Variants in WDR86 observed in about 807,000 individuals in gnomAD.
The protein encoded by WDR86 is WD repeat domain 86.
In WDR86, 30 loss-of-function variants were observed where a neutral mutation model predicts 36.5. The ratio of observed to expected loss-of-function variants is 0.82; its 90% CI spans 0.61 to 1.11. The LOEUF (loss-of-function observed/expected upper bound fraction) is 1.11. Ranked by LOEUF, WDR86 falls within the 50% of genes most tolerant of loss-of-function variation. The pLI is 0.00. For synonymous variants in WDR86, 255 were observed against 252.9 expected (o/e 1.01, Z -0.08); for missense variants, 545 against 561.2 (o/e 0.97, Z 0.29).
In WDR86 at chr7:151,409,901, G is replaced by T; in HGVS notation, c.-312C>A. On this transcript the variant is annotated 5_prime_UTR_variant, in exon 1 of 6. Coordinates refer to ENST00000334493, the MANE Select transcript of WDR86 (RefSeq NM_198285.3). This position sits in a 1 kb window ranked among gnomAD's most constrained non-coding sequence, Gnocchi z 5.2. ...CCGCTCGGAGGATCCACACCCCACC[G>T]GGCGAACAAGGCAGCTGCGTCTCTG... is the stretch of plus-strand genomic sequence containing the variant. 8.9e-7 allele frequency: 1 copy of T among 1,124,232 alleles called. No homozygotes were observed. Among genetic ancestry groups the T allele is most frequent in the Non-Finnish European group, 1.1e-6 (1 of 919,574 alleles). The allele number at this position is 1,124,232 out of a possible 1,614,324, so 69.6% of individuals were successfully genotyped here.
At chr7:151,380,927 C>G (rs1798518508), downstream of WDR86, among the ~76,000 whole-genome samples, 1 of 152,182 alleles carries the variant, frequency 6.6e-6, no homozygotes, top group Non-Finnish European at 1.5e-5. Flanking sequence ...TGCTCCCCGG[C>G]CTCTTCCCCA....
the WDR86 span, among the ~76,000 whole-genome samples, chr7:151,369,579 T>C: frequency 6.6e-6 from 1 of 152,220 alleles, no homozygotes; most frequent in African/African-American, 2.4e-5. Flanking sequence ...TTTGAAACAA[T>C]TAAGTACATT....
At chr7:151,371,334 T>G (rs2150712055), downstream of WDR86, among the ~76,000 whole-genome samples, 1 of 151,922 alleles carries the variant, frequency 6.6e-6, no homozygotes, top group Middle Eastern at 3.4e-3. Flanking sequence ...CTGATGTCAC[T>G]GAGGACCTGA....
rs1334075262 is a variant in WDR86, at chr7:151,396,110, C to T, written c.392G>A (p.Arg131Gln). ...GCAGTTGCGGTGGCCCCGGAACTCC[C>T]GGGACATCTGCCCCTTGTCCACACT... The part of the protein sequence containing the change: ...VWSVDKGQMS[R>Q]EFRGHRNCVL... The change falls in exon 3 of 6, where the codon CGG becomes CAG. Residue 131 changes from arginine (R) to glutamine (Q), a missense_variant. Physicochemically the swap from Arg to Gln is conservative, Grantham distance 43 (BLOSUM62 1). Coordinates refer to ENST00000334493, the MANE Select transcript of WDR86 (RefSeq NM_198285.3). 34 of 1,612,698 alleles carry T rather than the reference C, an allele frequency of 2.1e-5. No individual in the cohort carries two copies. Among genetic ancestry groups the T allele is most frequent in the East Asian group, 8.9e-5 (4 of 44,884 alleles).
chr7:151,402,070 A>AAAAATATATAT lies in WDR86; in HGVS notation c.164-1830_164-1829insATATATATTTT. Among the ~76,000 whole-genome samples, 339 of 50,416 alleles carry AAAAATATATAT rather than the reference A, an allele frequency of 6.7e-3. 3 individuals are homozygous for AAAAATATATAT. Among genetic ancestry groups the AAAAATATATAT allele is most frequent in the Non-Finnish European group, 9.5e-3 (283 of 29,780 alleles). 33.1% of individuals were successfully genotyped at this position (50,416 alleles called of 152,430 possible). On this transcript the variant is annotated intron_variant, in intron 1 of 5. Coordinates refer to ENST00000334493, the MANE Select transcript of WDR86 (RefSeq NM_198285.3). The stretch of plus-strand genomic sequence containing the variant: ...CTCAAAAAAAAAAAAAAAAAAAAAA[A>AAAAATATATAT]ATATATATATATATATATATATCTC...
downstream of WDR86, chr7:151,377,426 C>T (rs1409016226): frequency 3.7e-5 from 16 of 435,792 alleles, no homozygotes; most frequent in African/African-American, 6.1e-5. Flanking sequence ...TCTGGCCTGG[C>T]GCAGGCCGTT....
intron 1 of WDR86, among the ~76,000 whole-genome samples, chr7:151,407,765 C>G (rs909936697): frequency 1.3e-5 from 2 of 152,108 alleles, no homozygotes; most frequent in African/African-American, 4.8e-5. Flanking sequence ...CGCTTGAACC[C>G]GGGAGGCGGA....
rs1798528655 is a variant in WDR86 at position 151,381,131 on chromosome 7, G to T, written c.*451C>A. The T allele has an allele frequency of 2.4e-6, 3 of 1,229,160 alleles. No individual in the cohort carries two copies. Among genetic ancestry groups the T allele is most frequent in the Admixed American group, 4.2e-5 (1 of 23,706 alleles). 76.1% of individuals were successfully genotyped at this position (1,229,160 alleles called of 1,614,324 possible). On this transcript the variant is annotated 3_prime_UTR_variant, in exon 6 of 6. Transcript: ENST00000334493. This position sits in a 1 kb window ranked among gnomAD's most constrained non-coding sequence, Gnocchi z 4.8. ...AAGAGGACACAGGAGCACTTTTAAC[G>T]TTCAGGCTGTATATTTCAGTTCCCC... is the stretch of plus-strand genomic sequence containing the variant.
At chr7:151,395,529 A>G (rs1392902013) in intron 3 of WDR86, among the ~76,000 whole-genome samples, 1 of 128,954 alleles carries the variant, frequency 7.8e-6, no homozygotes. Flanking sequence ...ACACACACAC[A>G]CACACACACG....
intron 1 of WDR86, among the ~76,000 whole-genome samples, chr7:151,408,392 TTCA>T (rs1800901896): frequency 6.6e-6 from 1 of 151,974 alleles, no homozygotes; most frequent in Non-Finnish European, 1.5e-5. Context: ...GACACAGGGT[TTCA>T]TCATGTTGGC....
Position 151,385,034 on chromosome 7 carries a change from G to C in WDR86, c.862+54C>G. ...AAATCCCATAGGAAGTAAAGAAGCAGAGAGGAGAAGCCAGGCTGGGGTGGC... is the reference window on the plus strand; with the variant it reads ...AAATCCCATAGGAAGTAAAGAAGCACAGAGGAGAAGCCAGGCTGGGGTGGC... On this transcript the variant is annotated intron_variant, in intron 4 of 5. Transcript: ENST00000334493. 3.9e-6 allele frequency: 6 copies of C among 1,520,916 alleles called. No homozygotes were observed. In the East Asian group the frequency reaches 1.1e-4, roughly 29 times the overall value. 94.2% of individuals were successfully genotyped at this position (1,520,916 alleles called of 1,614,324 possible). A position where few individuals can be genotyped will look rare whatever the true frequency, so the allele number is the denominator to read the frequency against.
chr7:151,395,767 C>G lies in WDR86; in HGVS notation c.726+9G>C. 1 of 1,547,110 alleles carries G rather than the reference C, an allele frequency of 6.5e-7. No homozygotes were observed. The highest frequency in any genetic ancestry group is 8.7e-7 in the Non-Finnish European group (1 of 1,146,180). On this transcript the variant is annotated intron_variant, in intron 3 of 5. Transcript: ENST00000334493. ...CCTGGCTGCTGGGCGGGGACCAGGA[C>G]AGTCTCACCTCCAGACAGATGACGG...
chr7:151,396,242 C>T (rs1199011664), intron 2 of WDR86, 46 bp from the exon 3 acceptor site: 57 of 1,603,888 alleles, frequency 3.6e-5, no homozygotes, highest in Non-Finnish European at 4.3e-5. Context: ...GCACGGGTTC[C>T]AGAATCCACA....
chr7:151,381,044 C>T (rs1053308666), downstream of WDR86: 11 of 864,752 alleles, frequency 1.3e-5, no homozygotes, highest in Admixed American at 5.0e-5. The surrounding 1 kb of genome is among the most constrained non-coding windows in gnomAD (Gnocchi z 4.8). Flanking sequence ...GGAGGCCCGC[C>T]GCCCTGGGTT....
Position 151,405,916 on chromosome 7 carries a change from G to C in WDR86, c.163+3511C>G, listed in dbSNP as rs1800671791. ...CACAGTGGGCTGCCACCTTCAGGCT[G>C]AGTCCCCTACTCAACAGGAACAGGA... On this transcript the variant is annotated intron_variant, in intron 1 of 5. Transcript: ENST00000334493. This position sits in a 1 kb window ranked among gnomAD's most constrained non-coding sequence, Gnocchi z 4.7. Among the ~76,000 whole-genome samples the C allele has an allele frequency of 6.6e-6, 1 of 152,220 alleles. No homozygotes were observed. Among genetic ancestry groups the C allele is most frequent in the Non-Finnish European group, 1.5e-5 (1 of 68,048 alleles).
At chr7:151,376,840 T>C (rs369541322), downstream of WDR86, 141 of 1,551,442 alleles carry the variant, frequency 9.1e-5, 1 homozygote, top group African/African-American at 1.8e-3. Context: ...AGGGCCGCAT[T>C]GAGAGCAAAG....
chr7:151,382,645 A>C (rs1422509721), intron 4 of WDR86, among the ~76,000 whole-genome samples: 1 of 152,216 alleles, frequency 6.6e-6, no homozygotes, highest in Admixed American at 6.5e-5. Flanking sequence ...ACCAGTTTTA[A>C]GTGATGCTGC....
At chr7:151,373,971 C>A (rs1798083335), downstream of WDR86, 3 of 1,007,088 alleles carry the variant, frequency 3.0e-6, no homozygotes, top group Admixed American at 2.8e-5. Context: ...AGAAAGAGGG[C>A]CCCCTGTGCT....
chr7:151,410,646 G>A (rs1801140893), upstream of WDR86: 1 of 152,270 alleles, frequency 6.6e-6, no homozygotes, highest in Non-Finnish European at 1.5e-5. Flanking sequence ...GGACCCCGGG[G>A]TCGGCCTGAG....
Sources: gnomAD v4.1 joint callset for allele counts (sites outside exome capture counted in the v4.1 genomes callset) on GRCh38, gnomAD v4.1.1 for gene constraint, Gnocchi (gnomAD v3.1) non-coding constraint, MANE v1.5 for transcripts, NCBI Gene and HGNC (gene_info 2026-07-23, HGNC 2026-07-21) for gene names.